Variants in ZNF714 observed in about 807,000 individuals in gnomAD.
ZNF714 encodes the protein zinc finger protein 714.
ZNF714 carries 32 observed loss-of-function variants against 46.2 expected under a neutral mutation model. The observed-to-expected ratio is 0.69, with a 90% CI of 0.52 to 0.93. ZNF714 has a LOEUF of 0.93. Ranked by LOEUF, ZNF714 falls within the 40% of genes least tolerant of loss-of-function variation. The pLI, the probability that ZNF714 is intolerant of heterozygous loss-of-function variation, is 0.00. For synonymous variants in ZNF714, 199 were observed against 213.1 expected, an observed-to-expected ratio of 0.93 and a Z score of 0.58; for missense variants, 635 against 646.3, an observed-to-expected ratio of 0.98 and a Z score of 0.19.
At chr19:21,102,723 ATAT>A (rs1969211402) in intron 4 of ZNF714, among the ~76,000 whole-genome samples, 1 of 152,190 alleles carries the variant, frequency 6.6e-6, no homozygotes, top group South Asian at 2.1e-4. Flanking sequence ...GAGTACACAA[ATAT>A]TGTAGTTATC....
At chr19:21,096,005 T>C (rs1024589111) in intron 2 of ZNF714, among the ~76,000 whole-genome samples, 4 of 152,164 alleles carry the variant, frequency 2.6e-5, no homozygotes, top group Non-Finnish European at 4.4e-5. Flanking sequence ...GGCTTCAAGA[T>C]ACATTCCTGA....
chr19:21,112,403 AGTT>A (rs1969467313), intron 4 of ZNF714, among the ~76,000 whole-genome samples: 1 of 152,006 alleles, frequency 6.6e-6, no homozygotes, highest in Admixed American at 6.6e-5. Flanking sequence ...GTTTTCTGAA[AGTT>A]GTTTTTATTT....
At chr19:21,116,660 C>G in intron 4 of ZNF714, 147 bp from the exon 5 acceptor site, 2 of 1,000,770 alleles carry the variant, frequency 2.0e-6, no homozygotes, top group Non-Finnish European at 2.8e-6. Context: ...GCTTTTATTA[C>G]ATTTATATGT....
chr19:21,092,906 C>CTTTTTTT lies in ZNF714; in HGVS notation c.-84-5264_-84-5258dup, dbSNP rs56845417. On this transcript the variant is annotated intron_variant, in intron 2 of 4. Coordinates refer to ENST00000456283, the MANE Select transcript of ZNF714 (RefSeq NM_182515.4). ...TCTATGTTGCTGCAAATAACTTAAA[C>CTTTTTTT]TTTTTTTTTTTTTTTTTTTTTGAGA... 1.9e-4 allele frequency among the ~76,000 whole-genome samples: 19 copies of CTTTTTTT among 101,704 alleles called. 1 individual carries two copies. Among genetic ancestry groups the CTTTTTTT allele is most frequent in the African/African-American group, 2.3e-4 (6 of 26,506 alleles). 66.7% of individuals were successfully genotyped at this position (101,704 alleles called of 152,430 possible). A position where few individuals can be genotyped will look rare whatever the true frequency, so the allele number is the denominator to read the frequency against.
chr19:21,092,825 G>T (rs1333604121), intron 2 of ZNF714, among the ~76,000 whole-genome samples: 10 of 151,278 alleles, frequency 6.6e-5, no homozygotes, highest in African/African-American at 2.2e-4. Flanking sequence ...ATGAGAACAT[G>T]CATTTGGTTT....
chr19:21,112,816 A>ATTTTTTT lies in ZNF714; in HGVS notation c.143-3973_143-3967dup, dbSNP rs74172391. On this transcript the variant is annotated intron_variant, in intron 4 of 4. Transcript: ENST00000456283. ...GTTTCAAATAGTTTTTTTATTTCTG[A>ATTTTTTT]TTTTTTTTTTTTTTTTTTTTTTTTG... 6.7e-4 allele frequency among the ~76,000 whole-genome samples: 29 copies of ATTTTTTT among 43,220 alleles called. 5 individuals are homozygous for ATTTTTTT. Among genetic ancestry groups the ATTTTTTT allele is most frequent in the African/African-American group, 1.4e-3 (18 of 12,934 alleles). 28.4% of individuals were successfully genotyped at this position (43,220 alleles called of 152,430 possible).
chr19:21,110,840 G>A (rs1969434535), intron 4 of ZNF714, among the ~76,000 whole-genome samples: 1 of 152,092 alleles, frequency 6.6e-6, no homozygotes, highest in Admixed American at 6.6e-5. Flanking sequence ...TTATTAAAAG[G>A]GAATCCTTTT....
At position 21,121,378 on chromosome 19, in the gene ZNF714, T is replaced by C. The variant is rs1316847240; in HGVS notation, c.*3046T>C. 6.6e-6 allele frequency: 1 copy of C among 152,162 alleles called. No homozygotes were observed. The highest frequency in any genetic ancestry group is 2.4e-5 in the African/African-American group (1 of 41,440). The allele number at this position is 152,162 out of a possible 1,614,324, so 9.4% of individuals were successfully genotyped here. On this transcript the variant is annotated 3_prime_UTR_variant, in exon 5 of 5. Coordinates refer to ENST00000456283, the MANE Select transcript of ZNF714 (RefSeq NM_182515.4). ...CGGCCACTTTTTATAAATTTTAAAATGTACAATTGTTATTTACTATAGAGT... is the reference window on the plus strand; with the variant it reads ...CGGCCACTTTTTATAAATTTTAAAACGTACAATTGTTATTTACTATAGAGT...
At position 21,117,388 on chromosome 19, in the gene ZNF714, T is replaced by G. The variant is rs1969622543; in HGVS notation, c.724T>G (p.Ser242Ala). Residue 242 changes from serine to alanine, a missense_variant, in exon 5 of 5, where the codon TCA becomes GCA. Coordinates refer to ENST00000456283, the MANE Select transcript of ZNF714 (RefSeq NM_182515.4). ...ATGTGGCAAAGCCTTCTACCATTCT[T>G]CACACCTTACTACACATAAGGTAAT... The part of the protein sequence containing the change: ...EECGKAFYHS[S>A]HLTTHKVIHT... 2 of 1,613,524 alleles carry G rather than the reference T, an allele frequency of 1.2e-6. No homozygotes were observed. Among genetic ancestry groups the G allele is most frequent in the Non-Finnish European group, 1.7e-6 (2 of 1,179,722 alleles).
chr19:21,117,310 C>G lies in ZNF714; in HGVS notation c.646C>G (p.Leu216Val). ...CGKAFKHSSTLTTHKMIHTGE... is the reference protein window; with the variant it reads ...CGKAFKHSSTVTTHKMIHTGE... ...CAAAGCTTTTAAGCACTCCTCAACC[C>G]TTACTACACATAAGATGATTCATAC... Residue 216 changes from leucine to valine, a missense_variant, in exon 5 of 5, where the codon CTT becomes GTT. Physicochemically the swap from Leu to Val is conservative, Grantham distance 32. Transcript: ENST00000456283. 1 of 1,612,182 alleles carries G rather than the reference C, an allele frequency of 6.2e-7. No individual in the cohort carries two copies. The highest frequency in any genetic ancestry group is 8.5e-7 in the Non-Finnish European group (1 of 1,178,576).
Position 21,118,466 on chromosome 19 carries a change from AAAG to A in ZNF714, c.*137_*139del. On this transcript the variant is annotated 3_prime_UTR_variant, in exon 5 of 5. Coordinates refer to ENST00000456283, the MANE Select transcript of ZNF714 (RefSeq NM_182515.4). ...GACTCTGTCTCAAAAAAAAAAAAAA[AAAG>A]AAAAGAAAATTCATACTGGAACGAA... The A allele has an allele frequency of 4.7e-6, 2 of 423,480 alleles. No homozygotes were observed. Among genetic ancestry groups the A allele is most frequent in the East Asian group, 4.2e-5 (1 of 23,772 alleles). The allele number at this position is 423,480 out of a possible 1,614,324, so 26.2% of individuals were successfully genotyped here. A position where few individuals can be genotyped will look rare whatever the true frequency, so the allele number is the denominator to read the frequency against.
chr19:21,117,339 A>C lies in ZNF714; in HGVS notation c.675A>C (p.Gly225=), dbSNP rs112722125. The C allele has an allele frequency of 0.085, 136,920 of 1,613,590 alleles. 6,447 individuals carry two copies. Among genetic ancestry groups the C allele is most frequent in the Non-Finnish European group, 0.09 (105,789 of 1,179,802 alleles). Residue 225 remains glycine (G), a synonymous_variant, in exon 5 of 5, where the codon GGA becomes GGC. Transcript: ENST00000456283. ...TLTTHKMIHT[G]EKPYRCEECG... ...CTACACATAAGATGATTCATACTGG[A>C]GAGAAACCCTACAGATGTGAAGAAT...
At chr19:21,087,222 CAAAAAAAA>C (rs57295093) in intron 2 of ZNF714, among the ~76,000 whole-genome samples, 4 of 92,148 alleles carry the variant, frequency 4.3e-5, no homozygotes, top group African/African-American at 4.3e-5. Context: ...GCAGTCTCAG[CAAAAAAAA>C]AAAAAAAAAA....
At chr19:21,110,330 A>G (rs898086768) in intron 4 of ZNF714, among the ~76,000 whole-genome samples, 3 of 152,034 alleles carry the variant, frequency 2.0e-5, no homozygotes, top group Non-Finnish European at 4.4e-5. Flanking sequence ...TTTGATTTGC[A>G]TTTGTTTAAT....
At chr19:21,106,839 T>C (rs1969330549) in intron 4 of ZNF714, among the ~76,000 whole-genome samples, 1 of 152,080 alleles carries the variant, frequency 6.6e-6, no homozygotes, top group African/African-American at 2.4e-5. Flanking sequence ...TGTATGTATG[T>C]ATGTTTTGAG....
chr19:21,083,100 C>A (rs1310211879), intron 1 of ZNF714, among the ~76,000 whole-genome samples: 1 of 151,268 alleles, frequency 6.6e-6, no homozygotes, highest in East Asian at 1.9e-4. Flanking sequence ...TGCAATGGGG[C>A]GATCTTGTCT....
chr19:21,103,956 A>G (rs1969250774), intron 4 of ZNF714, among the ~76,000 whole-genome samples: 1 of 152,218 alleles, frequency 6.6e-6, no homozygotes, highest in Non-Finnish European at 1.5e-5. Context: ...AAAGACTTCT[A>G]GAAATTTTAC....
At chr19:21,104,098 T>C (rs1423327698) in intron 4 of ZNF714, among the ~76,000 whole-genome samples, 1 of 152,222 alleles carries the variant, frequency 6.6e-6, no homozygotes, top group Admixed American at 6.5e-5. Context: ...ATATACATAG[T>C]GGAATCATAC....
At chr19:21,084,125 T>C in intron 2 of ZNF714, 56 bp downstream of exon 2, 1 of 653,986 alleles carries the variant, frequency 1.5e-6, no homozygotes, top group Non-Finnish European at 2.0e-6. Context: ...GCCTCCTGGA[T>C]TGTCTAAGGG....
Sources: gnomAD v4.1 joint callset for allele counts (sites outside exome capture counted in the v4.1 genomes callset) on GRCh38, gnomAD v4.1.1 for gene constraint, MANE v1.5 for transcripts, NCBI Gene and HGNC (gene_info 2026-07-23, HGNC 2026-07-21) for gene names.